The following IGF1R variants were observed in gnomAD, a reference collection of about 807,000 sequenced individuals.
The protein encoded by IGF1R is insulin like growth factor 1 receptor.
Under a neutral mutation model 144.6 loss-of-function variants are expected in IGF1R, and 44 were observed. The observed-to-expected ratio is 0.30, with a 90% CI of 0.24 to 0.39. The LOEUF (loss-of-function observed/expected upper bound fraction) is 0.39. Among genes scored for constraint, IGF1R ranks in the 10% least tolerant of loss-of-function variants. IGF1R has a pLI of 1.00. For missense variants in IGF1R, 1,355 were observed against 1,833.7 expected, an observed-to-expected ratio of 0.74 and a Z score of 4.77; for synonymous variants, 795 against 722.8, an observed-to-expected ratio of 1.10 and a Z score of -1.60.
chr15:98,853,742 T>C (rs2011638224), intron 2 of IGF1R, among the ~76,000 whole-genome samples: 1 of 152,192 alleles, frequency 6.6e-6, no homozygotes. Flanking sequence ...AAAGGGTCGG[T>C]GCCCTGCGCC....
At chr15:98,651,266 G>A (rs2052358171) in intron 1 of IGF1R, among the ~76,000 whole-genome samples, 1 of 152,196 alleles carries the variant, frequency 6.6e-6, no homozygotes, top group Non-Finnish European at 1.5e-5. Flanking sequence ...AAATGAGTCC[G>A]CGACGGAACG....
chr15:98,824,650 C>G (rs1190551995), intron 2 of IGF1R, among the ~76,000 whole-genome samples: 1 of 152,318 alleles, frequency 6.6e-6, no homozygotes, highest in East Asian at 1.9e-4. Context: ...TTGTCTCCCA[C>G]CCCACTGCTG....
At chr15:98,718,326 C>T (rs370605387) in intron 2 of IGF1R, among the ~76,000 whole-genome samples, 4 of 152,210 alleles carry the variant, frequency 2.6e-5, no homozygotes, top group Admixed American at 2.0e-4. Flanking sequence ...TAGGGACTGT[C>T]GGTTGCTTGA....
intron 2 of IGF1R, among the ~76,000 whole-genome samples, chr15:98,739,648 G>T (rs2054692728): frequency 6.6e-6 from 1 of 151,986 alleles, no homozygotes; most frequent in Non-Finnish European, 1.5e-5. Flanking sequence ...AGTCTCTGTT[G>T]TCCAGGCTGG....
chr15:98,662,847 T>C (rs945313178), intron 1 of IGF1R, among the ~76,000 whole-genome samples: 4 of 152,108 alleles, frequency 2.6e-5, no homozygotes, highest in Non-Finnish European at 4.4e-5. Flanking sequence ...CAGTGTGCAC[T>C]GATGGAGTGG....
chr15:98,848,896 A>G (rs56083762), intron 2 of IGF1R, among the ~76,000 whole-genome samples: 1,774 of 152,374 alleles, frequency 0.012, 39 homozygotes, highest in African/African-American at 0.041. Flanking sequence ...CCTTAAGATA[A>G]CCATACTATT....
chr15:98,879,010 T>C (rs2013229028), intron 2 of IGF1R, among the ~76,000 whole-genome samples: 1 of 149,616 alleles, frequency 6.7e-6, no homozygotes, highest in Admixed American at 6.6e-5. Flanking sequence ...AAAAAAAAAA[T>C]AGGGGGGATG....
At chr15:98,651,360 C>G (rs1426165571) in intron 1 of IGF1R, among the ~76,000 whole-genome samples, 1 of 152,244 alleles carries the variant, frequency 6.6e-6, no homozygotes, top group South Asian at 2.1e-4. Flanking sequence ...CTCTCCTGCT[C>G]TTTGTTTTCT....
intron 19 of IGF1R, among the ~76,000 whole-genome samples, chr15:98,943,414 T>C (rs1467821751): frequency 6.6e-6 from 1 of 152,250 alleles, no homozygotes; most frequent in East Asian, 1.9e-4. Context: ...ATACTGTCTG[T>C]GTGTCTGCCT....
At chr15:98,841,772 TCTG>T (rs1427228499) in intron 2 of IGF1R, among the ~76,000 whole-genome samples, 4 of 152,240 alleles carry the variant, frequency 2.6e-5, no homozygotes, top group African/African-American at 7.2e-5. Flanking sequence ...TTTCTGGTCA[TCTG>T]CTGCACGGGC....
In IGF1R at chr15:98,835,080, TACAC is replaced by T. The variant is rs34443123; in HGVS notation, c.641-56218_641-56215del. Among the ~76,000 whole-genome samples, 246 of 129,918 alleles carry T rather than the reference TACAC, an allele frequency of 1.9e-3. 1 individual carries two copies. Among genetic ancestry groups the T allele is most frequent in the South Asian group, 3.0e-3 (12 of 4,026 alleles). The allele number at this position is 129,918 out of a possible 152,430, so 85.2% of individuals were successfully genotyped here. A position where few individuals can be genotyped will look rare whatever the true frequency, so the allele number is the denominator to read the frequency against. On this transcript the variant is annotated intron_variant, in intron 2 of 20. Transcript: ENST00000650285. ...GGCCAGGGCAAGAGAACACCCCCCC[TACAC>T]ACACACACACACACACACACACACA...
At chr15:98,657,422 G>T (rs563973862) in intron 1 of IGF1R, among the ~76,000 whole-genome samples, 10 of 152,286 alleles carry the variant, frequency 6.6e-5, no homozygotes, top group African/African-American at 2.4e-4. Context: ...TCTCAGTTGT[G>T]TCCACATTTA....
chr15:98,705,786 A>T (rs943051407), intron 1 of IGF1R, among the ~76,000 whole-genome samples: 1 of 152,200 alleles, frequency 6.6e-6, no homozygotes, highest in South Asian at 2.1e-4. Flanking sequence ...AAGGCCTCAC[A>T]TGGGCTTCTC....
In IGF1R at chr15:98,936,199, G is replaced by A. The variant is rs140169336; in HGVS notation, c.3297+773G>A. ...GATCCAGAGTCAGTGTCCTGCTTAC[G>A]CTTTTGAATGAATGATCCCACCTCA... On this transcript the variant is annotated intron_variant, in intron 17 of 20. Transcript: ENST00000650285. Among the ~76,000 whole-genome samples the A allele has an allele frequency of 1.1e-3, 160 of 152,260 alleles. 1 individual carries two copies. The highest frequency in any genetic ancestry group is 3.7e-3 in the African/African-American group (153 of 41,546).
chr15:98,844,139 T>G (rs527686720), intron 2 of IGF1R, among the ~76,000 whole-genome samples: 1 of 152,352 alleles, frequency 6.6e-6, no homozygotes, highest in Admixed American at 6.5e-5. Flanking sequence ...TAGAATTACA[T>G]GAGATATGAC....
rs373092850 is a variant in IGF1R, at chr15:98,805,043, G to A, written c.641-86282G>A. Among the ~76,000 whole-genome samples the A allele has an allele frequency of 1.1e-4, 16 of 152,278 alleles. 1 individual carries two copies. Among genetic ancestry groups the A allele is most frequent in the African/African-American group, 3.6e-4 (15 of 41,556 alleles). On this transcript the variant is annotated intron_variant, in intron 2 of 20. Coordinates refer to ENST00000650285, the MANE Select transcript of IGF1R (RefSeq NM_000875.5). ...AATGATAGATTCTCACAGATAAGAA[G>A]TACAGGATAATTATTTGCCAAAGTT...
At chr15:98,776,703 C>T (rs151128138) in intron 2 of IGF1R, among the ~76,000 whole-genome samples, 3 of 152,322 alleles carry the variant, frequency 2.0e-5, no homozygotes, top group Non-Finnish European at 2.9e-5. Flanking sequence ...CCTCCTCTCA[C>T]CTGAGGCCAC....
chr15:98,869,538 C>T (rs2012669743), intron 2 of IGF1R, among the ~76,000 whole-genome samples: 1 of 151,620 alleles, frequency 6.6e-6, no homozygotes, highest in Non-Finnish European at 1.5e-5. Context: ...CGGGTTCAAG[C>T]GATTCTCCTG....
intron 2 of IGF1R, among the ~76,000 whole-genome samples, chr15:98,768,040 A>C (rs1252803921): frequency 6.6e-6 from 1 of 152,118 alleles, no homozygotes; most frequent in Non-Finnish European, 1.5e-5. Context: ...TGAAATTCAG[A>C]TCCATAGGAA....
Sources: allele counts gnomAD v4.1 joint callset (sites outside exome capture counted in the v4.1 genomes callset), GRCh38; gene constraint gnomAD v4.1.1; transcripts MANE v1.5; gene names NCBI Gene and HGNC (gene_info 2026-07-23, HGNC 2026-07-21).